MLIP: variants seen among roughly 807,000 people sequenced by gnomAD.
The protein encoded by MLIP is muscular LMNA-interacting protein.
In MLIP, 79 loss-of-function variants were observed where a neutral mutation model predicts 84.8. That is an observed-to-expected ratio of 0.93 (90% CI 0.78 to 1.12). MLIP has a LOEUF of 1.12. Among genes scored for constraint, MLIP ranks in the 50% most tolerant of loss-of-function variants. The pLI is 0.00. For synonymous variants in MLIP, 504 were observed against 463.0 expected (o/e 1.09, Z -1.14); for missense variants, 1,257 against 1,160.6 (o/e 1.08, Z -1.21).
At chr6:54,189,270 C>G (rs1008978448) in intron 9 of MLIP, among the ~76,000 whole-genome samples, 2 of 152,068 alleles carry the variant, frequency 1.3e-5, no homozygotes, top group African/African-American at 2.4e-5. Context: ...AATGTTCTTA[C>G]GACAATAACA....
intron 1 of MLIP, among the ~76,000 whole-genome samples, chr6:54,041,886 C>A (rs1459577498): frequency 6.6e-6 from 1 of 152,018 alleles, no homozygotes; most frequent in African/African-American, 2.4e-5. Flanking sequence ...GCTTCCCGGA[C>A]CTCAGGCACC....
chr6:54,253,994 G>C (rs555079644), intron 12 of MLIP, among the ~76,000 whole-genome samples: 1 of 150,258 alleles, frequency 6.7e-6, no homozygotes, highest in Admixed American at 6.7e-5. Flanking sequence ...TTTTTTCTTT[G>C]AGGCAACATA....
At chr6:54,143,698 A>G (rs556549299) in intron 4 of MLIP, among the ~76,000 whole-genome samples, 31 of 152,306 alleles carry the variant, frequency 2.0e-4, no homozygotes, top group African/African-American at 6.7e-4. Context: ...TTAATTAGCC[A>G]GGCTTGTCTA....
chr6:54,195,028 A>T (rs1778199485), intron 10 of MLIP, among the ~76,000 whole-genome samples: 1 of 152,092 alleles, frequency 6.6e-6, no homozygotes, highest in South Asian at 2.1e-4. Flanking sequence ...TCAGGTAAAT[A>T]ATCTAGAGAA....
chr6:54,124,167 G>A (rs1204690013), intron 2 of MLIP, among the ~76,000 whole-genome samples: 3 of 151,972 alleles, frequency 2.0e-5, no homozygotes, highest in Non-Finnish European at 4.4e-5. Context: ...ATGTCTTCAC[G>A]GAAAACATTG....
chr6:54,021,604 T>C (rs568378886), intron 1 of MLIP, among the ~76,000 whole-genome samples: 1 of 152,322 alleles, frequency 6.6e-6, no homozygotes, highest in South Asian at 2.1e-4. Flanking sequence ...ACACATCCAA[T>C]ATAAATCTTA....
intron 13 of MLIP, among the ~76,000 whole-genome samples, chr6:54,263,919 T>C (rs1783539542): frequency 1.3e-5 from 2 of 152,106 alleles, no homozygotes; most frequent in African/African-American, 4.8e-5. Flanking sequence ...GATTCTCACT[T>C]TTCTTACATG....
chr6:54,080,997 A>G (rs1767109386), intron 1 of MLIP, among the ~76,000 whole-genome samples: 1 of 151,956 alleles, frequency 6.6e-6, no homozygotes, highest in South Asian at 2.1e-4. Context: ...CATGAACTGT[A>G]TTTCAGCTCT....
chr6:54,178,858 T>G (rs1381830215), intron 9 of MLIP, among the ~76,000 whole-genome samples: 5 of 152,174 alleles, frequency 3.3e-5, no homozygotes, highest in Non-Finnish European at 5.9e-5. Flanking sequence ...GAAGCATGTG[T>G]TGAAGCATGT....
intron 1 of MLIP, among the ~76,000 whole-genome samples, chr6:54,032,661 C>G (rs935270837): frequency 2.6e-5 from 4 of 152,178 alleles, no homozygotes; most frequent in African/African-American, 9.7e-5. Flanking sequence ...TTAAGAGATC[C>G]TCCTGCCTCA....
At chr6:54,045,168 A>G (rs1271219496) in intron 1 of MLIP, among the ~76,000 whole-genome samples, 1 of 151,808 alleles carries the variant, frequency 6.6e-6, no homozygotes, top group African/African-American at 2.4e-5. Context: ...GGCCAACATG[A>G]CGAAACCTAT....
chr6:54,124,642 T>C lies in MLIP; in HGVS notation c.422T>C (p.Val141Ala). Residue 141 changes from valine (V) to alanine (A), a missense_variant, in exon 3 of 14, where the codon GTC becomes GCC. Physicochemically the swap from Val to Ala is moderately conservative, Grantham distance 64 (BLOSUM62 0). Coordinates refer to ENST00000502396, the MANE Select transcript of MLIP (RefSeq NM_001281747.2). ...AGTGACCTCTTCAAAGCTGAATATGTCCTTATTGTGGACTCCGAAGGGGAA... is the reference window on the plus strand; with the variant it reads ...AGTGACCTCTTCAAAGCTGAATATGCCCTTATTGTGGACTCCGAAGGGGAA... Reference protein sequence around the residue: ...QQSDLFKAEYVLIVDSEGEDE... With the variant: ...QQSDLFKAEYALIVDSEGEDE... 1 of 1,614,172 alleles carries C rather than the reference T, an allele frequency of 6.2e-7. No individual in the cohort carries two copies. Among genetic ancestry groups the C allele is most frequent in the East Asian group, 2.2e-5 (1 of 44,862 alleles).
chr6:54,205,766 G>C (rs919698674), intron 11 of MLIP, among the ~76,000 whole-genome samples: 7 of 152,072 alleles, frequency 4.6e-5, no homozygotes, highest in Non-Finnish European at 1.0e-4. Flanking sequence ...TTGTATATTA[G>C]ATTTTTTTTT....
chr6:54,072,511 T>C (rs1320804555), intron 1 of MLIP, among the ~76,000 whole-genome samples: 9 of 152,188 alleles, frequency 5.9e-5, no homozygotes, highest in Admixed American at 5.9e-4. Context: ...GGAAATCCTA[T>C]GATTCAGGCA....
chr6:54,223,625 T>C (rs1439991501), intron 11 of MLIP, among the ~76,000 whole-genome samples: 4 of 152,224 alleles, frequency 2.6e-5, no homozygotes, highest in East Asian at 3.9e-4. Context: ...ACTATGGCTT[T>C]GTAATACACT....
rs114541201 is a variant in MLIP, at chr6:54,034,774, G to C, written c.63+15683G>C. 7.8e-3 allele frequency among the ~76,000 whole-genome samples: 1,180 copies of C among 152,182 alleles called. 13 individuals carry two copies. The highest frequency in any genetic ancestry group is 0.027 in the Middle Eastern group (8 of 294). On this transcript the variant is annotated intron_variant, in intron 1 of 12. Coordinates refer to the MLIP transcript ENST00000274897. Reference sequence around the variant, plus strand: ...TTTATGTATTTAGTGTAGCTTAAGTGCACAGTGTTTATAAAGTCTACAGTA... The same window carrying C: ...TTTATGTATTTAGTGTAGCTTAAGTCCACAGTGTTTATAAAGTCTACAGTA...
intron 1 of MLIP, among the ~76,000 whole-genome samples, chr6:54,084,975 T>C (rs1767393221): frequency 6.6e-6 from 1 of 152,200 alleles, no homozygotes; most frequent in Non-Finnish European, 1.5e-5. Flanking sequence ...GTAGCAAACC[T>C]CCACTTCTTG....
intron 1 of MLIP, among the ~76,000 whole-genome samples, chr6:54,028,175 T>C (rs1326198435): frequency 1.3e-5 from 2 of 152,220 alleles, no homozygotes; most frequent in East Asian, 3.8e-4. Context: ...GCTGGTCTTT[T>C]GTTATTATTT....
intron 1 of MLIP, chr6:54,045,587 T>G (rs1764999492): frequency 6.6e-6 from 1 of 152,204 alleles, no homozygotes; most frequent in South Asian, 2.1e-4. Flanking sequence ...TGTTGAATTT[T>G]AATCCCCAGT....
Sources: allele counts gnomAD v4.1 joint callset (sites outside exome capture counted in the v4.1 genomes callset), GRCh38; gene constraint gnomAD v4.1.1; transcripts MANE v1.5; gene names NCBI Gene and HGNC (gene_info 2026-07-23, HGNC 2026-07-21).